Variants in MAPKAP1 observed in about 807,000 individuals in gnomAD.
The protein encoded by MAPKAP1 is target of rapamycin complex 2 subunit MAPKAP1.
Under a neutral mutation model 65.7 loss-of-function variants are expected in MAPKAP1, and 20 were observed. The observed-to-expected ratio is 0.30, with a 90% CI of 0.21 to 0.44. The LOEUF is 0.44. Among genes scored for constraint, MAPKAP1 ranks in the 20% least tolerant of loss-of-function variants. The pLI is 1.00. For missense variants in MAPKAP1, 423 were observed against 648.0 expected, an observed-to-expected ratio of 0.65 and a Z score of 3.77; for synonymous variants, 222 against 244.3, an observed-to-expected ratio of 0.91 and a Z score of 0.85.
At chr9:125,639,613 G>A (rs1833521267) in intron 4 of MAPKAP1, among the ~76,000 whole-genome samples, 3 of 152,324 alleles carry the variant, frequency 2.0e-5, no homozygotes, top group Admixed American at 2.0e-4. Context: ...AGAGGCACGG[G>A]AAGAGACAAA....
In MAPKAP1 at chr9:125,486,295, G is replaced by A. The variant is rs142624646; in HGVS notation, c.1067-1712C>T. Reference sequence around the variant, plus strand: ...CTCAGTCCCTGGACTTTGAAATGTGGACTTCTGCAGATGCAGCTGTTGGTG... The same window carrying A: ...CTCAGTCCCTGGACTTTGAAATGTGAACTTCTGCAGATGCAGCTGTTGGTG... On this transcript the variant is annotated intron_variant, in intron 8 of 11. Coordinates refer to ENST00000265960, the MANE Select transcript of MAPKAP1 (RefSeq NM_001006617.3). Among the ~76,000 whole-genome samples, 148 of 152,336 alleles carry A rather than the reference G, an allele frequency of 9.7e-4. 2 individuals carry two copies. The East Asian group carries it at 0.023, about 23-fold the overall frequency.
chr9:125,637,114 CAA>C (rs1367084728), intron 4 of MAPKAP1, among the ~76,000 whole-genome samples: 1 of 151,836 alleles, frequency 6.6e-6, no homozygotes, highest in Non-Finnish European at 1.5e-5. Flanking sequence ...ACTAAAAATA[CAA>C]AAGTTAGCCG....
intron 1 of MAPKAP1, among the ~76,000 whole-genome samples, chr9:125,703,088 A>G (rs1004083200): frequency 6.6e-6 from 1 of 152,186 alleles, no homozygotes; most frequent in Non-Finnish European, 1.5e-5. Context: ...AAAAGTGTCA[A>G]AAGATCCAAG....
intron 9 of MAPKAP1, among the ~76,000 whole-genome samples, chr9:125,469,614 G>A (rs117639660): frequency 1.3e-3 from 197 of 152,322 alleles, no homozygotes; most frequent in Middle Eastern, 0.01. Flanking sequence ...TGGTCAGTAC[G>A]TGTGGTCTTT....
chr9:125,646,043 C>T (rs1234766961), intron 4 of MAPKAP1, among the ~76,000 whole-genome samples: 1 of 152,062 alleles, frequency 6.6e-6, no homozygotes, highest in Non-Finnish European at 1.5e-5. Context: ...AAATGCTAAC[C>T]AAAAATGGGC....
intron 10 of MAPKAP1, among the ~76,000 whole-genome samples, chr9:125,464,217 A>T (rs1473318277): frequency 2.7e-5 from 4 of 149,220 alleles, no homozygotes; most frequent in Admixed American, 2.0e-4. Context: ...AAAAAAAAAA[A>T]AAAAAAAAAA....
At chr9:125,573,103 G>T (rs868478886) in intron 5 of MAPKAP1, 3 of 72,878 alleles carry the variant, frequency 4.1e-5, no homozygotes, top group Non-Finnish European at 8.0e-5. Context: ...TAAAAGGGGG[G>T]GGGGGGGGGA....
chr9:125,649,376 T>C lies in MAPKAP1; in HGVS notation c.498+8275A>G, dbSNP rs553661389. Reference sequence around the variant, plus strand: ...CTCCAACAATTACAATCAACACGTCTTAAATGACACCTGGCATCTGCCTCA... The same window carrying C: ...CTCCAACAATTACAATCAACACGTCCTAAATGACACCTGGCATCTGCCTCA... On this transcript the variant is annotated intron_variant, in intron 4 of 11. Transcript: ENST00000265960. Among the ~76,000 whole-genome samples the C allele has an allele frequency of 3.3e-5, 5 of 152,350 alleles. No individual in the cohort carries two copies. The East Asian group carries it at 9.6e-4, about 29-fold the overall frequency.
At chr9:125,692,130 C>T (rs567836391) in intron 1 of MAPKAP1, among the ~76,000 whole-genome samples, 1 of 152,108 alleles carries the variant, frequency 6.6e-6, no homozygotes, top group Non-Finnish European at 1.5e-5. Flanking sequence ...TTAAACAGAG[C>T]GTTACCATAT....
Position 125,443,075 on chromosome 9 carries a change from A to G in MAPKAP1, c.1443+1426T>C, listed in dbSNP as rs568177122. On this transcript the variant is annotated intron_variant, in intron 11 of 11. Transcript: ENST00000265960. ...TGGGAAATGGGAACAACTTTATCTC[A>G]TGATCTCACAGAGCTGTGAAGATGC... 1.3e-3 allele frequency among the ~76,000 whole-genome samples: 195 copies of G among 152,232 alleles called. 2 individuals carry two copies. Among genetic ancestry groups the G allele is most frequent in the African/African-American group, 4.5e-3 (185 of 41,548 alleles).
At chr9:125,619,317 A>G (rs954354765) in intron 4 of MAPKAP1, among the ~76,000 whole-genome samples, 1 of 152,134 alleles carries the variant, frequency 6.6e-6, no homozygotes, top group Middle Eastern at 3.2e-3. Context: ...CAGCAATAAC[A>G]TCGGAAAAGA....
chr9:125,698,149 G>A (rs1835440528), intron 1 of MAPKAP1, among the ~76,000 whole-genome samples: 3 of 148,792 alleles, frequency 2.0e-5, no homozygotes, highest in Middle Eastern at 7.0e-3. Context: ...GCGCGTTCTC[G>A]CTCTCTCTAT....
chr9:125,606,785 A>T (rs1350659427), intron 4 of MAPKAP1, among the ~76,000 whole-genome samples: 1 of 152,240 alleles, frequency 6.6e-6, no homozygotes, highest in African/African-American at 2.4e-5. Context: ...CAGCCACATT[A>T]TGTTCACCCT....
intron 7 of MAPKAP1, among the ~76,000 whole-genome samples, chr9:125,507,188 C>CTT (rs1829166581): frequency 6.6e-6 from 1 of 152,198 alleles, no homozygotes; most frequent in African/African-American, 2.4e-5. Context: ...TAAAACACTG[C>CTT]AGCATTTTAT....
intron 5 of MAPKAP1, chr9:125,568,778 T>A (rs1290792433): frequency 1.3e-5 from 2 of 156,018 alleles, no homozygotes; most frequent in African/African-American, 4.8e-5. Context: ...CCCAGGGCAA[T>A]GGTGCTGCAA....
intron 7 of MAPKAP1, among the ~76,000 whole-genome samples, chr9:125,530,244 C>T (rs191967908): frequency 6.6e-6 from 1 of 152,106 alleles, no homozygotes; most frequent in African/African-American, 2.4e-5. Context: ...ATGGCCTGAC[C>T]GAAGAAAGAG....
chr9:125,586,445 C>G (rs1019660506), intron 4 of MAPKAP1, among the ~76,000 whole-genome samples: 2 of 152,140 alleles, frequency 1.3e-5, no homozygotes, highest in Non-Finnish European at 2.9e-5. Context: ...TTGGACTTCA[C>G]TGAACCTGCT....
At chr9:125,684,271 T>C (rs1834908100) in intron 1 of MAPKAP1, among the ~76,000 whole-genome samples, 1 of 152,182 alleles carries the variant, frequency 6.6e-6, no homozygotes, top group Admixed American at 6.5e-5. Context: ...CTGGGAGACA[T>C]TTAAGCAATC....
rs553293421 is a variant in MAPKAP1 at position 125,638,875 on chromosome 9, C to CG, written c.498+18775_498+18776insC. Among the ~76,000 whole-genome samples, 648 of 152,312 alleles carry CG rather than the reference C, an allele frequency of 4.3e-3. 4 individuals are homozygous for CG. Among genetic ancestry groups the CG allele is most frequent in the African/African-American group, 0.015 (606 of 41,570 alleles). On this transcript the variant is annotated intron_variant, in intron 4 of 11. Coordinates refer to ENST00000265960, the MANE Select transcript of MAPKAP1 (RefSeq NM_001006617.3). ...GAACGATCACCACCTTTGGGGCCAA[C>CG]CCCTTCGGGAAAACATGGAGCCACT...
Sources: gnomAD v4.1 joint callset for allele counts (sites outside exome capture counted in the v4.1 genomes callset) on GRCh38, gnomAD v4.1.1 for gene constraint, MANE v1.5 for transcripts, NCBI Gene and HGNC (gene_info 2026-07-23, HGNC 2026-07-21) for gene names.